THOC5: variants seen among roughly 807,000 people sequenced by gnomAD.
THOC5 encodes the protein THO complex subunit 5, also known as Fms-interacting protein.
In THOC5, 43 loss-of-function variants were observed where a neutral mutation model predicts 92.9. That is an observed-to-expected ratio of 0.46 (90% CI 0.36 to 0.60). THOC5 has a LOEUF of 0.60. Among genes scored for constraint, THOC5 ranks in the 20% least tolerant of loss-of-function variants. The pLI is 0.00. For synonymous variants in THOC5, 296 were observed against 320.1 expected, an observed-to-expected ratio of 0.92 and a Z score of 0.80; for missense variants, 659 against 849.4, an observed-to-expected ratio of 0.78 and a Z score of 2.79.
At position 29,508,266 on chromosome 22, in the gene THOC5, C is replaced by T. The variant is rs1056032918; in HGVS notation, c.*191G>A. On this transcript the variant is annotated 3_prime_UTR_variant, in exon 20 of 20. Transcript: ENST00000490103. ...AATGCTTTTTCACACTGTGTCACAG[C>T]TCCCACCTGCCCTTCCAGACTGCAA... 9 of 607,036 alleles carry T rather than the reference C, an allele frequency of 1.5e-5. No individual in the cohort carries two copies. The highest frequency in any genetic ancestry group is 6.0e-5 in the Admixed American group (2 of 33,582). The allele number at this position is 607,036 out of a possible 1,614,324, so 37.6% of individuals were successfully genotyped here. A position where few individuals can be genotyped will look rare whatever the true frequency, so the allele number is the denominator to read the frequency against.
At chr22:29,552,117 C>T (rs568011786) in intron 1 of THOC5, among the ~76,000 whole-genome samples, 30 of 152,234 alleles carry the variant, frequency 2.0e-4, no homozygotes, top group Non-Finnish European at 3.8e-4. Context: ...AGTGCAGTGG[C>T]GTGATCTCGG....
intron 8 of THOC5, 200 bp downstream of exon 8, chr22:29,531,631 T>C: frequency 1.5e-6 from 2 of 1,326,234 alleles, no homozygotes; most frequent in South Asian, 2.4e-5. Context: ...CATTGTGAAA[T>C]ACCCATCAGG....
intron 12 of THOC5, among the ~76,000 whole-genome samples, chr22:29,522,284 CGG>C (rs2063458225): frequency 6.6e-6 from 1 of 151,650 alleles, no homozygotes; most frequent in Admixed American, 6.6e-5. Context: ...GGTGTGAACC[CGG>C]GAGACGGAGC....
intron 7 of THOC5, 97 bp from the exon 8 acceptor site, chr22:29,532,060 T>C (rs1456822317): frequency 1.4e-6 from 2 of 1,436,316 alleles, no homozygotes; most frequent in Non-Finnish European, 9.4e-7. Context: ...TTTATAAAAG[T>C]GATACATGAT....
Position 29,528,418 on chromosome 22 carries a change from G to A in THOC5, c.966+8C>T, listed in dbSNP as rs1340290911. On this transcript the variant is annotated splice_region_variant and intron_variant, in intron 10 of 19. Transcript: ENST00000490103. The stretch of plus-strand genomic sequence containing the variant: ...CTTGATGCCCCCACAAGAGGAAATG[G>A]TTCTCACCGTAGTCTGCTCCTCCTC... 1 of 1,613,846 alleles carries A rather than the reference G, an allele frequency of 6.2e-7. No homozygotes were observed. The highest frequency in any genetic ancestry group is 1.7e-5 in the Admixed American group (1 of 60,002).
chr22:29,543,406 A>AAATTAAAC, intron 4 of THOC5, 23 bp downstream of exon 4: 2 of 1,543,316 alleles, frequency 1.3e-6, no homozygotes, highest in Non-Finnish European at 1.8e-6. Flanking sequence ...AGGAAGGTTA[A>AAATTAAAC]AATTAAACCT....
chr22:29,517,803 C>T (rs1401478907), intron 15 of THOC5, among the ~76,000 whole-genome samples: 1 of 152,216 alleles, frequency 6.6e-6, no homozygotes, highest in Non-Finnish European at 1.5e-5. Flanking sequence ...TAAATTCCTG[C>T]TGGCATTTAA....
At position 29,525,821 on chromosome 22, in the gene THOC5, G is replaced by C; in HGVS notation, c.1175+17C>G. The C allele has an allele frequency of 6.2e-7, 1 of 1,605,352 alleles. No individual in the cohort carries two copies. The highest frequency in any genetic ancestry group is 8.5e-7 in the Non-Finnish European group (1 of 1,172,942). The stretch of plus-strand genomic sequence containing the variant: ...TCCCCATCCCGCACGTCATTGCCCA[G>C]AGCGCCTGCTCAATACCCTGCACTG... On this transcript the variant is annotated intron_variant, in intron 12 of 19. Coordinates refer to ENST00000490103, the MANE Select transcript of THOC5 (RefSeq NM_003678.5).
At chr22:29,536,823 AG>A (rs2063770121) in intron 6 of THOC5, 85 bp from the exon 7 acceptor site, 1 of 777,148 alleles carries the variant, frequency 1.3e-6, no homozygotes, top group African/African-American at 1.7e-5. Context: ...TCCACCTAAT[AG>A]TAGCAGCCAT....
intron 18 of THOC5, 67 bp from the exon 19 acceptor site, chr22:29,511,363 C>CT: frequency 6.5e-7 from 1 of 1,544,892 alleles, no homozygotes; most frequent in Non-Finnish European, 8.7e-7. Context: ...ACTGGCCAGG[C>CT]TTCCGTCCCT....
intron 10 of THOC5, 37 bp from the exon 11 acceptor site, chr22:29,528,214 T>C (rs370251700): frequency 6.0e-5 from 97 of 1,613,876 alleles, no homozygotes; most frequent in Non-Finnish European, 8.0e-5. Context: ...TGAGCATCAG[T>C]CATAGCAATC....
At chr22:29,548,150 T>A (rs1391045359) in intron 2 of THOC5, among the ~76,000 whole-genome samples, 1 of 152,112 alleles carries the variant, frequency 6.6e-6, no homozygotes, top group Non-Finnish European at 1.5e-5. Context: ...ACATGGCAAT[T>A]CTGGGAGATA....
At chr22:29,522,128 A>G (rs1199830601) in intron 12 of THOC5, among the ~76,000 whole-genome samples, 2 of 151,714 alleles carry the variant, frequency 1.3e-5, no homozygotes, top group African/African-American at 4.8e-5. Context: ...AGACGGGCGG[A>G]TCATGAGGTC....
At chr22:29,510,409 T>C (rs747028174) in intron 19 of THOC5, among the ~76,000 whole-genome samples, 70 of 152,152 alleles carry the variant, frequency 4.6e-4, no homozygotes, top group Non-Finnish European at 7.3e-4. Context: ...CCAGCCTGGC[T>C]AATATGGTGA....
intron 17 of THOC5, among the ~76,000 whole-genome samples, chr22:29,512,530 C>A (rs555581684): frequency 4.6e-5 from 7 of 152,192 alleles, no homozygotes; most frequent in African/African-American, 1.7e-4. Context: ...TGTGTATCAA[C>A]TATCACATCA....
At chr22:29,529,387 T>C in intron 8 of THOC5, 148 bp from the exon 9 acceptor site, 1 of 746,734 alleles carries the variant, frequency 1.3e-6, no homozygotes, top group East Asian at 2.5e-5. Flanking sequence ...TTGCTCCAGA[T>C]GAAGGGAAAC....
chr22:29,510,973 G>T (rs2063210595), intron 19 of THOC5, 133 bp downstream of exon 19: 3 of 920,602 alleles, frequency 3.3e-6, no homozygotes, highest in Non-Finnish European at 5.0e-6. Flanking sequence ...AAAAACAGGT[G>T]GACCAGAGTG....
At chr22:29,528,937 C>CT in intron 9 of THOC5, 2 of 565,530 alleles carry the variant, frequency 3.5e-6, no homozygotes, top group Non-Finnish European at 3.1e-6. Flanking sequence ...TATTAAATAC[C>CT]TTCCTCGGGG....
chr22:29,536,833 A>G (rs1159181605), intron 6 of THOC5, 95 bp from the exon 7 acceptor site: 2 of 742,690 alleles, frequency 2.7e-6, no homozygotes, highest in African/African-American at 1.7e-5. Flanking sequence ...AGTAGCAGCC[A>G]TGATTAACTG....
Sources: gnomAD v4.1 joint callset for allele counts (sites outside exome capture counted in the v4.1 genomes callset) on GRCh38, gnomAD v4.1.1 for gene constraint, MANE v1.5 for transcripts, NCBI Gene and HGNC (gene_info 2026-07-23, HGNC 2026-07-21) for gene names.